PTK2B: variants seen among roughly 807,000 people sequenced by gnomAD.
PTK2B encodes protein tyrosine kinase 2 beta.
A neutral mutation model predicts 142.9 loss-of-function variants in PTK2B; 71 were observed. The observed-to-expected ratio is 0.50, with a 90% CI of 0.41 to 0.61. The LOEUF (loss-of-function observed/expected upper bound fraction) is 0.61. Among genes scored for constraint, PTK2B ranks in the 20% least tolerant of loss-of-function variants. PTK2B has a pLI of 0.00. For missense variants in PTK2B, 1,105 were observed against 1,320.4 expected (o/e 0.84, Z 2.53); for synonymous variants, 519 against 503.4 (o/e 1.03, Z -0.42).
At chr8:27,434,643 A>C (rs1810662594) in intron 13 of PTK2B, 84 bp downstream of exon 13, 1 of 1,432,308 alleles carries the variant, frequency 7.0e-7, no homozygotes, top group Non-Finnish European at 9.5e-7. Flanking sequence ...GACATTGCCG[A>C]GGGTTTCCTC....
chr8:27,350,303 A>G (rs1421268239), intron 1 of PTK2B, among the ~76,000 whole-genome samples: 1 of 152,234 alleles, frequency 6.6e-6, no homozygotes, highest in Non-Finnish European at 1.5e-5. Flanking sequence ...TAGAATTTGG[A>G]TGTTATTGAA....
intron 16 of PTK2B, 47 bp from the exon 17 acceptor site, chr8:27,437,349 G>C (rs1810846882): frequency 1.3e-6 from 2 of 1,581,206 alleles, no homozygotes; most frequent in African/African-American, 1.4e-5. Flanking sequence ...TTCTGAATTG[G>C]ACCTTTGAGC....
At chr8:27,314,530 A>G (rs1387325140) in intron 3 of PTK2B, among the ~76,000 whole-genome samples, 1 of 152,246 alleles carries the variant, frequency 6.6e-6, no homozygotes, top group Non-Finnish European at 1.5e-5. Flanking sequence ...TGCGACAGCA[A>G]ATATCCTCCC....
At chr8:27,394,773 A>G (rs1194261630) in intron 1 of PTK2B, among the ~76,000 whole-genome samples, 2 of 152,154 alleles carry the variant, frequency 1.3e-5, no homozygotes, top group African/African-American at 4.8e-5. Context: ...CTGTACAAAA[A>G]TATTTTCTTT....
Position 27,339,073 on chromosome 8 carries a change from G to A in PTK2B, c.-38+13392G>A, listed in dbSNP as rs118120413. Among the ~76,000 whole-genome samples, 925 of 152,306 alleles carry A rather than the reference G, an allele frequency of 6.1e-3. 18 individuals carry two copies. The highest frequency in any genetic ancestry group is 0.031 in the Admixed American group (478 of 15,300). On this transcript the variant is annotated intron_variant, in intron 1 of 30. Transcript: ENST00000346049. Reference sequence around the variant, plus strand: ...AGTTACAGATTAGAAACAAGACACTGTATTTTCTGTCGCCTGGAATATCTT... The same window carrying A: ...AGTTACAGATTAGAAACAAGACACTATATTTTCTGTCGCCTGGAATATCTT...
At chr8:27,336,323 A>G (rs1804061742) in intron 1 of PTK2B, among the ~76,000 whole-genome samples, 1 of 152,250 alleles carries the variant, frequency 6.6e-6, no homozygotes, top group South Asian at 2.1e-4. Context: ...CCGTTCTACA[A>G]ACCTTTCATA....
At chr8:27,420,872 C>G (rs1045945121) in intron 4 of PTK2B, 128 bp downstream of exon 4, 2 of 844,688 alleles carry the variant, frequency 2.4e-6, no homozygotes, top group African/African-American at 1.7e-5. Context: ...TAGGAAGCTT[C>G]TCTTGAAGAA....
chr8:27,433,609 C>T, intron 11 of PTK2B, 57 bp downstream of exon 11: 2 of 1,443,984 alleles, frequency 1.4e-6, no homozygotes, highest in South Asian at 2.3e-5. Flanking sequence ...CACCCGAGTC[C>T]CCAGAGGCGG....
At chr8:27,364,469 C>T (rs1193905675) in intron 1 of PTK2B, among the ~76,000 whole-genome samples, 3 of 152,194 alleles carry the variant, frequency 2.0e-5, no homozygotes, top group South Asian at 2.1e-4. Flanking sequence ...GAACAGCAGC[C>T]GTGAAGAAAA....
At chr8:27,409,913 G>C (rs1808953532) in intron 2 of PTK2B, among the ~76,000 whole-genome samples, 1 of 152,014 alleles carries the variant, frequency 6.6e-6, no homozygotes, top group Admixed American at 6.6e-5. Context: ...GTAGAGGCAG[G>C]GTTTCACCAT....
chr8:27,371,776 G>A (rs1292930659), intron 1 of PTK2B, among the ~76,000 whole-genome samples: 3 of 152,172 alleles, frequency 2.0e-5, no homozygotes, highest in Admixed American at 2.0e-4. Flanking sequence ...TCGAACTCCT[G>A]ACCTCAGGTG....
At chr8:27,439,157 T>A (rs1005733304) in intron 19 of PTK2B, 26 bp downstream of exon 19, 1 of 1,606,590 alleles carries the variant, frequency 6.2e-7, no homozygotes, top group Non-Finnish European at 8.5e-7. Context: ...AGCCTCTGCA[T>A]TGGCCTTGGA....
At chr8:27,394,319 C>G (rs1807908643) in intron 1 of PTK2B, among the ~76,000 whole-genome samples, 1 of 152,156 alleles carries the variant, frequency 6.6e-6, no homozygotes, top group Admixed American at 6.5e-5. Flanking sequence ...ATGGTACAGC[C>G]TAGACTATAT....
At chr8:27,368,650 C>A (rs910565921) in intron 1 of PTK2B, among the ~76,000 whole-genome samples, 1 of 152,206 alleles carries the variant, frequency 6.6e-6, no homozygotes, top group Admixed American at 6.5e-5. Context: ...CTTAGCAAAC[C>A]CTCTGGTTCC....
intron 2 of PTK2B, among the ~76,000 whole-genome samples, chr8:27,419,599 G>A (rs1216484150): frequency 6.6e-6 from 1 of 152,192 alleles, no homozygotes; most frequent in Non-Finnish European, 1.5e-5. Flanking sequence ...TTATTAATTG[G>A]TTAGATTGTA....
At chr8:27,320,038 A>G (rs181289508) in intron 3 of PTK2B, among the ~76,000 whole-genome samples, 1 of 152,202 alleles carries the variant, frequency 6.6e-6, no homozygotes, top group Admixed American at 6.5e-5. Flanking sequence ...CAGCCTGTAT[A>G]CTGGGAGGAG....
intron 2 of PTK2B, among the ~76,000 whole-genome samples, chr8:27,404,700 G>A (rs2131547518): frequency 6.6e-6 from 1 of 152,294 alleles, no homozygotes; most frequent in East Asian, 1.9e-4. Flanking sequence ...GAGGCAGACT[G>A]CAGATGTCAG....
intron 20 of PTK2B, 38 bp downstream of exon 20, chr8:27,439,436 G>T (rs1811013245): frequency 6.3e-7 from 1 of 1,579,086 alleles, no homozygotes; most frequent in Non-Finnish European, 8.7e-7. Context: ...AAGGTGTTCA[G>T]ATTCTCACTT....
intron 1 of PTK2B, among the ~76,000 whole-genome samples, chr8:27,388,008 C>G (rs1398013865): frequency 6.6e-6 from 1 of 152,122 alleles, no homozygotes; most frequent in African/African-American, 2.4e-5. Context: ...ACCACAAGCT[C>G]CTTCATACCC....
Sources: allele counts gnomAD v4.1 joint callset (sites outside exome capture counted in the v4.1 genomes callset), GRCh38; gene constraint gnomAD v4.1.1; transcripts MANE v1.5; gene names NCBI Gene and HGNC (gene_info 2026-07-23, HGNC 2026-07-21).